The following VPS13B variants were observed in gnomAD, a reference collection of about 807,000 sequenced individuals.
VPS13B encodes intermembrane lipid transfer protein VPS13B.
Under a neutral mutation model 426.4 loss-of-function variants are expected in VPS13B, and 285 were observed. The observed-to-expected ratio is 0.67, with a 90% CI of 0.61 to 0.74. The LOEUF is 0.74. VPS13B is among the 30% of genes least tolerant of loss of function. The pLI, the probability that VPS13B is intolerant of heterozygous loss-of-function variation, is 0.00. For missense variants in VPS13B, 4,537 were observed against 4,782.6 expected, an observed-to-expected ratio of 0.95 and a Z score of 1.51; for synonymous variants, 1,676 against 1,676.4, an observed-to-expected ratio of 1.00 and a Z score of 0.01.
At position 99,784,401 on chromosome 8, in the gene VPS13B, G is replaced by A. The variant is rs772064414; in HGVS notation, c.7866G>A (p.Val2622=). The A allele has an allele frequency of 9.9e-6, 16 of 1,613,610 alleles. No individual in the cohort carries two copies. The Admixed American group carries it at 1.2e-4, about 12-fold the overall frequency. The change falls in exon 43 of 62, where the codon GTG becomes GTA. Residue 2622 remains valine, a synonymous_variant. Transcript: ENST00000357162. The part of the protein sequence containing the change: ...DTQETLRFGQ[V]DTDENILLAS... Reference sequence around the variant, plus strand: ...AGGAGACACTGCGGTTTGGCCAGGTGGATACTGATGAAAATATTCTGCTGG... The same window carrying A: ...AGGAGACACTGCGGTTTGGCCAGGTAGATACTGATGAAAATATTCTGCTGG...
chr8:99,796,546 G>C (rs1477943178), intron 43 of VPS13B: 1 of 152,168 alleles, frequency 6.6e-6, no homozygotes, highest in Non-Finnish European at 1.5e-5. Flanking sequence ...CGAGTGGAAG[G>C]ATTGACCTTG....
chr8:99,806,046 C>A (rs116493786), intron 43 of VPS13B, among the ~76,000 whole-genome samples: 7 of 152,188 alleles, frequency 4.6e-5, no homozygotes, highest in Admixed American at 4.6e-4. Flanking sequence ...GTATTTCTAG[C>A]CCACGTTGCC....
At chr8:99,607,236 C>T (rs1827635067) in intron 33 of VPS13B, among the ~76,000 whole-genome samples, 1 of 152,158 alleles carries the variant, frequency 6.6e-6, no homozygotes, top group East Asian at 1.9e-4. Context: ...TGTGAATACC[C>T]AACATTGTAA....
rs766801968 is a variant in VPS13B, at chr8:99,135,722, A to T, written c.1552A>T (p.Thr518Ser). Reference protein sequence around the residue: ...GTRAEFILDSTHHKETYTEIA... With the variant: ...GTRAEFILDSSHHKETYTEIA... Reference sequence around the variant, plus strand: ...TCGCGCAGAATTTATCTTGGATTCAACTCATCATAAGGTTAGAGAATATAT... The same window carrying T: ...TCGCGCAGAATTTATCTTGGATTCATCTCATCATAAGGTTAGAGAATATAT... The change falls in exon 11 of 62, where the codon ACT (threonine) becomes TCT (serine). Residue 518 changes from threonine (T) to serine (S), a missense_variant. Physicochemically the swap from Thr to Ser is moderately conservative, Grantham distance 58. Around this residue, in one of 2 missense-constraint regions of VPS13B, gnomAD observed 4,311 missense variants for 4,474.3 expected, o/e 0.96. Transcript: ENST00000357162. 1 of 1,613,230 alleles carries T rather than the reference A, an allele frequency of 6.2e-7. No homozygotes were observed. Among genetic ancestry groups the T allele is most frequent in the Non-Finnish European group, 8.5e-7 (1 of 1,179,396 alleles).
chr8:99,430,047 T>C (rs1221011449), intron 21 of VPS13B, among the ~76,000 whole-genome samples: 1 of 152,194 alleles, frequency 6.6e-6, no homozygotes, highest in Admixed American at 6.5e-5. Flanking sequence ...TTGTTTTTGT[T>C]TCATCTGACT....
At chr8:99,755,790 T>C (rs1006761575) in intron 39 of VPS13B, among the ~76,000 whole-genome samples, 31 of 152,008 alleles carry the variant, frequency 2.0e-4, no homozygotes, top group Middle Eastern at 3.4e-3. Context: ...AATAAATAAA[T>C]AAACAAATAA....
chr8:99,787,537 T>C (rs1467120024), intron 43 of VPS13B, among the ~76,000 whole-genome samples: 1 of 152,160 alleles, frequency 6.6e-6, no homozygotes, highest in Non-Finnish European at 1.5e-5. Flanking sequence ...TCCAATTCAG[T>C]AGACTTTAGA....
At chr8:99,848,154 T>C (rs1816078095) in intron 54 of VPS13B, among the ~76,000 whole-genome samples, 1 of 152,248 alleles carries the variant, frequency 6.6e-6, no homozygotes, top group Non-Finnish European at 1.5e-5. Context: ...GTCTGGCACC[T>C]GGATCCTGAG....
chr8:99,553,873 C>T (rs534123112), intron 30 of VPS13B, among the ~76,000 whole-genome samples: 1 of 151,866 alleles, frequency 6.6e-6, no homozygotes, highest in African/African-American at 2.4e-5. Flanking sequence ...TATAGAAATA[C>T]TAATCCTAAT....
intron 43 of VPS13B, among the ~76,000 whole-genome samples, chr8:99,788,485 G>A (rs1434751223): frequency 6.6e-6 from 1 of 151,446 alleles, no homozygotes; most frequent in Non-Finnish European, 1.5e-5. Flanking sequence ...GACACATAGT[G>A]ACAAAAATAT....
At chr8:99,294,609 C>T (rs1476073052) in intron 19 of VPS13B, among the ~76,000 whole-genome samples, 1 of 152,036 alleles carries the variant, frequency 6.6e-6, no homozygotes, top group South Asian at 2.1e-4. Context: ...ATAGCTAAGA[C>T]AAGATCCCTG....
chr8:99,742,169 A>G (rs559555671), intron 39 of VPS13B, among the ~76,000 whole-genome samples: 4 of 152,356 alleles, frequency 2.6e-5, no homozygotes, highest in Admixed American at 2.0e-4. Context: ...CAGAAATACA[A>G]ACTACCATCA....
chr8:99,265,078 T>C (rs1818232092), intron 17 of VPS13B, among the ~76,000 whole-genome samples: 1 of 152,184 alleles, frequency 6.6e-6, no homozygotes, highest in Admixed American at 6.5e-5. Context: ...TATTGCAGTA[T>C]CTTCTGTACT....
chr8:99,564,579 C>A (rs1825096290), intron 31 of VPS13B, among the ~76,000 whole-genome samples: 1 of 152,190 alleles, frequency 6.6e-6, no homozygotes, highest in South Asian at 2.1e-4. Flanking sequence ...AAAGTGAGAA[C>A]AAGCCAGAAT....
At chr8:99,566,439 C>T (rs1825191893) in intron 31 of VPS13B, among the ~76,000 whole-genome samples, 2 of 142,030 alleles carry the variant, frequency 1.4e-5, no homozygotes, top group South Asian at 4.2e-4. Flanking sequence ...ATGGTGTTTT[C>T]TTCTTCTTTT....
chr8:99,274,199 T>C lies in VPS13B; in HGVS notation c.2517T>C (p.Gly839=). ...ALINEIFLSI[G]VKSKNPLPTL... ...ACATTTGCAGTTTTCTTTTATTAGG[T>C]GTGAAATCTAAGAATCCCCTGCCAA... The change falls in exon 18 of 62, where the codon GGT becomes GGC. Residue 839 remains glycine, a splice_region_variant and synonymous_variant. Coordinates refer to ENST00000357162, the MANE Select transcript of VPS13B (RefSeq NM_152564.5). The C allele has an allele frequency of 1.2e-6, 2 of 1,614,104 alleles. No individual in the cohort carries two copies. Among genetic ancestry groups the C allele is most frequent in the Non-Finnish European group, 1.7e-6 (2 of 1,180,000 alleles).
chr8:99,527,462 C>T (rs536145948), intron 30 of VPS13B, among the ~76,000 whole-genome samples: 5 of 152,172 alleles, frequency 3.3e-5, no homozygotes, highest in African/African-American at 1.2e-4. Context: ...GATAATCTAC[C>T]TGGTTTATAA....
intron 25 of VPS13B, among the ~76,000 whole-genome samples, chr8:99,487,597 T>C (rs1588429950): frequency 1.3e-5 from 2 of 152,158 alleles, no homozygotes; most frequent in East Asian, 3.9e-4. Context: ...ATCGAACAAC[T>C]CTATCTTCTC....
chr8:99,330,485 C>T (rs1810490863), intron 19 of VPS13B, among the ~76,000 whole-genome samples: 1 of 66,072 alleles, frequency 1.5e-5, no homozygotes, highest in African/African-American at 4.6e-5. Flanking sequence ...TTGTTTCTTA[C>T]CCCTGACCTA....
Sources: gnomAD v4.1 joint callset for allele counts (sites outside exome capture counted in the v4.1 genomes callset) on GRCh38, gnomAD v4.1.1 for gene constraint, gnomAD v4.1.1 regional missense constraint, MANE v1.5 for transcripts, NCBI Gene and HGNC (gene_info 2026-07-23, HGNC 2026-07-21) for gene names.